Variants in LRRIQ1 observed in about 807,000 individuals in gnomAD.
LRRIQ1 encodes the protein leucine rich repeats and IQ motif containing 1, also known as leucine-rich repeat- and IQ domain-containing protein 1.
LRRIQ1 carries 210 observed loss-of-function variants against 211.9 expected under a neutral mutation model. That is an observed-to-expected ratio of 0.99 (90% CI 0.89 to 1.11). The LOEUF is 1.11. Ranked by LOEUF, LRRIQ1 falls within the 50% of genes most tolerant of loss-of-function variation. The probability of loss-of-function intolerance (pLI) is 0.00; values close to 1 mark genes in which losing one functional copy is unlikely to be tolerated. For missense variants in LRRIQ1, 2,136 were observed against 1,939.5 expected, an observed-to-expected ratio of 1.10 and a Z score of -1.90; for synonymous variants, 699 against 650.1, an observed-to-expected ratio of 1.08 and a Z score of -1.14.
intron 26 of LRRIQ1, among the ~76,000 whole-genome samples, chr12:85,244,094 A>G (rs1406426583): frequency 2.0e-5 from 3 of 151,590 alleles, no homozygotes; most frequent in African/African-American, 4.8e-5. Flanking sequence ...ATGATATTCA[A>G]CATTATGTAC....
chr12:85,044,850 A>G (rs1010862602), intron 4 of LRRIQ1, 41 bp downstream of exon 4: 1 of 931,040 alleles, frequency 1.1e-6, no homozygotes, highest in Non-Finnish European at 1.6e-6. Flanking sequence ...CACTATTACA[A>G]TTAGAAATTT....
At chr12:85,156,847 CA>C (rs1890577212) in intron 23 of LRRIQ1, among the ~76,000 whole-genome samples, 1 of 151,634 alleles carries the variant, frequency 6.6e-6, no homozygotes, top group South Asian at 2.1e-4. Flanking sequence ...TCAGAGAATA[CA>C]AACAATTAAT....
intron 19 of LRRIQ1, among the ~76,000 whole-genome samples, chr12:85,142,575 T>A (rs1350209363): frequency 6.6e-6 from 1 of 151,404 alleles, no homozygotes; most frequent in Non-Finnish European, 1.5e-5. Flanking sequence ...CCTCTCTAAG[T>A]GAAATTTTGT....
At chr12:85,150,136 A>C (rs1174261705) in intron 19 of LRRIQ1, among the ~76,000 whole-genome samples, 1 of 151,762 alleles carries the variant, frequency 6.6e-6, no homozygotes, top group Non-Finnish European at 1.5e-5. Flanking sequence ...TGTTTGTATA[A>C]AATCAGTGTA....
At chr12:85,226,000 A>G (rs1166103174) in intron 24 of LRRIQ1, among the ~76,000 whole-genome samples, 3 of 152,160 alleles carry the variant, frequency 2.0e-5, no homozygotes, top group Non-Finnish European at 1.5e-5. Flanking sequence ...TGTTTCTTAC[A>G]CTGAGCTCAT....
intron 19 of LRRIQ1, among the ~76,000 whole-genome samples, chr12:85,150,178 C>T (rs1185722019): frequency 5.9e-5 from 9 of 151,728 alleles, no homozygotes; most frequent in Non-Finnish European, 2.9e-5. Flanking sequence ...CAGTGCTGGT[C>T]GTTTTCCATA....
chr12:85,103,488 A>G (rs1466235318), intron 13 of LRRIQ1, among the ~76,000 whole-genome samples: 1 of 151,742 alleles, frequency 6.6e-6, no homozygotes, highest in Non-Finnish European at 1.5e-5. Flanking sequence ...AAGATTTTTT[A>G]AAACAAAACT....
chr12:85,203,846 A>G (rs1308766265), intron 24 of LRRIQ1, among the ~76,000 whole-genome samples: 1 of 152,188 alleles, frequency 6.6e-6, no homozygotes, highest in Non-Finnish European at 1.5e-5. Context: ...AATGCAATAG[A>G]AAAGAAAATC....
chr12:85,146,413 A>C (rs915934817), intron 19 of LRRIQ1, among the ~76,000 whole-genome samples: 1 of 151,784 alleles, frequency 6.6e-6, no homozygotes, highest in African/African-American at 2.4e-5. Context: ...TAGTAAACTT[A>C]AGATAAATTA....
downstream of LRRIQ1, chr12:85,264,522 C>T (rs992193097): frequency 6.6e-6 from 1 of 151,922 alleles, no homozygotes; most frequent in African/African-American, 2.4e-5. Context: ...ACATTATTAT[C>T]TTTAAAAAAT....
intron 21 of LRRIQ1, among the ~76,000 whole-genome samples, chr12:85,153,376 A>G (rs1398073188): frequency 6.6e-6 from 1 of 151,554 alleles, no homozygotes; most frequent in Non-Finnish European, 1.5e-5. Flanking sequence ...AATGTAATTA[A>G]TTATTGTAAA....
chr12:85,223,628 T>C (rs920137300), intron 24 of LRRIQ1, among the ~76,000 whole-genome samples: 4 of 152,132 alleles, frequency 2.6e-5, no homozygotes, highest in African/African-American at 7.2e-5. Flanking sequence ...GCCTATAGTT[T>C]AGAAGATTTG....
chr12:85,110,670 AGG>A (rs1887109340), intron 15 of LRRIQ1, among the ~76,000 whole-genome samples: 4 of 152,134 alleles, frequency 2.6e-5, no homozygotes, highest in Admixed American at 2.0e-4. Context: ...CCTTGGCTAA[AGG>A]GGCACACTTT....
Position 85,057,149 on chromosome 12 carries a change from A to G in LRRIQ1, c.2356A>G (p.Ile786Val). The G allele has an allele frequency of 6.4e-7, 1 of 1,564,102 alleles. No individual in the cohort carries two copies. Among genetic ancestry groups the G allele is most frequent in the Non-Finnish European group, 8.6e-7 (1 of 1,161,706 alleles). Residue 786 changes from isoleucine (I) to valine (V), a missense_variant, in exon 8 of 27, where the codon ATT (isoleucine) becomes GTT (valine). Transcript: ENST00000393217. ...GACACCCGCTTTGGATAAACTGGAA[A>G]TTCTTCGATGTGGCCCTTGGGATAC... ...NMTPALDKLEILRCGPWDTLQ... is the reference protein window; with the variant it reads ...NMTPALDKLEVLRCGPWDTLQ...
intron 24 of LRRIQ1, among the ~76,000 whole-genome samples, chr12:85,187,578 A>G (rs1164851639): frequency 6.6e-6 from 1 of 152,014 alleles, no homozygotes; most frequent in East Asian, 1.9e-4. Flanking sequence ...AGGCCAAGGC[A>G]GGTGGATCAC....
At chr12:85,098,243 T>A (rs1886063082) in intron 11 of LRRIQ1, 112 bp from the exon 12 acceptor site, 1 of 655,484 alleles carries the variant, frequency 1.5e-6, no homozygotes, top group Non-Finnish European at 2.5e-6. Flanking sequence ...CACTTGTAAT[T>A]AATGATAGTG....
At chr12:85,099,863 C>T (rs1053689461) in intron 13 of LRRIQ1, among the ~76,000 whole-genome samples, 2 of 151,774 alleles carry the variant, frequency 1.3e-5, no homozygotes, top group African/African-American at 4.8e-5. Context: ...AATGACTTAA[C>T]TTCCACCTAT....
chr12:85,070,424 G>T (rs73379761), intron 10 of LRRIQ1, among the ~76,000 whole-genome samples: 2,493 of 152,012 alleles, frequency 0.016, 65 homozygotes, highest in African/African-American at 0.058. Context: ...CAGCCTTTAA[G>T]CTGGAATTCT....
chr12:85,115,507 C>T (rs567892557), intron 15 of LRRIQ1, among the ~76,000 whole-genome samples: 9 of 152,132 alleles, frequency 5.9e-5, no homozygotes, highest in African/African-American at 2.2e-4. Flanking sequence ...AATACTAAAT[C>T]ATTTGGAAAC....
Sources: gnomAD v4.1 joint callset for allele counts (sites outside exome capture counted in the v4.1 genomes callset) on GRCh38, gnomAD v4.1.1 for gene constraint, MANE v1.5 for transcripts, NCBI Gene and HGNC (gene_info 2026-07-23, HGNC 2026-07-21) for gene names.